The following NPAS3 variants were observed in gnomAD, a reference collection of about 807,000 sequenced individuals.
NPAS3 encodes the protein neuronal PAS domain protein 3.
A neutral mutation model predicts 73.1 loss-of-function variants in NPAS3; 14 were observed. The observed-to-expected ratio is 0.19, with a 90% CI of 0.13 to 0.30. The LOEUF (loss-of-function observed/expected upper bound fraction) is 0.30, where lower values mean the gene tolerates loss of function less well. Ranked by LOEUF, NPAS3 falls within the 10% of genes least tolerant of loss-of-function variation. NPAS3 has a pLI of 1.00. For missense variants in NPAS3, 1,096 were observed against 1,250.0 expected (o/e 0.88, Z 1.86); for synonymous variants, 620 against 541.5 (o/e 1.14, Z -2.01).
chr14:33,299,826 T>G (rs966602031), intron 3 of NPAS3, among the ~76,000 whole-genome samples: 1 of 152,224 alleles, frequency 6.6e-6, no homozygotes, highest in Admixed American at 6.5e-5. Flanking sequence ...TTTGACCTTA[T>G]TCAATGAATT....
intron 2 of NPAS3, among the ~76,000 whole-genome samples, chr14:33,162,397 A>G (rs59442871): frequency 0.094 from 14,257 of 152,190 alleles, 739 homozygotes; most frequent in African/African-American, 0.14. Context: ...TATGCGTTTC[A>G]CACTGATGAG....
At chr14:33,248,506 T>C (rs1272574191) in intron 3 of NPAS3, among the ~76,000 whole-genome samples, 1 of 143,972 alleles carries the variant, frequency 6.9e-6, no homozygotes, top group Non-Finnish European at 1.6e-5. Flanking sequence ...AGTGTAAAAA[T>C]AGTAGATTTT....
At chr14:33,374,387 T>G (rs1186208477) in intron 4 of NPAS3, among the ~76,000 whole-genome samples, 4 of 152,164 alleles carry the variant, frequency 2.6e-5, no homozygotes, top group African/African-American at 9.6e-5. Flanking sequence ...GTAAAGGGCA[T>G]ATCCTAGAAT....
At chr14:33,665,284 C>T (rs531979365) in intron 5 of NPAS3, among the ~76,000 whole-genome samples, 6 of 152,008 alleles carry the variant, frequency 3.9e-5, no homozygotes, top group Admixed American at 2.0e-4. Context: ...ATCACACACC[C>T]GGGACTGCCA....
At chr14:33,733,592 TTA>T (rs1158473239) in intron 6 of NPAS3, among the ~76,000 whole-genome samples, 1 of 152,208 alleles carries the variant, frequency 6.6e-6, no homozygotes, top group Non-Finnish European at 1.5e-5. Context: ...AAGTTTGTGC[TTA>T]TATAGTGTAT....
At chr14:33,001,229 C>T (rs1428650865) in intron 1 of NPAS3, among the ~76,000 whole-genome samples, 2 of 152,032 alleles carry the variant, frequency 1.3e-5, no homozygotes, top group South Asian at 2.1e-4. Context: ...GTGAAATGGA[C>T]AGAAAATGGA....
intron 4 of NPAS3, among the ~76,000 whole-genome samples, chr14:33,508,022 T>A (rs945928189): frequency 4.6e-5 from 7 of 151,974 alleles, no homozygotes; most frequent in African/African-American, 1.4e-4. Context: ...GACTCTTCCA[T>A]GAGAGCACTC....
chr14:33,184,645 T>C (rs1594335114), intron 2 of NPAS3, among the ~76,000 whole-genome samples: 1 of 151,946 alleles, frequency 6.6e-6, no homozygotes, highest in Non-Finnish European at 1.5e-5. Context: ...TGAGAGTAGG[T>C]AGTAGCACAG....
At chr14:33,242,272 G>C (rs1190526991) in intron 3 of NPAS3, among the ~76,000 whole-genome samples, 1 of 152,016 alleles carries the variant, frequency 6.6e-6, no homozygotes, top group Non-Finnish European at 1.5e-5. Context: ...AATTCAAGAT[G>C]AATTAGATTT....
intron 4 of NPAS3, among the ~76,000 whole-genome samples, chr14:33,493,494 G>C (rs780699952): frequency 6.6e-6 from 1 of 152,164 alleles, no homozygotes; most frequent in South Asian, 2.1e-4. Flanking sequence ...CTTTCTCACC[G>C]ATCTTCCTGT....
At chr14:33,137,384 A>C (rs2043879595) in intron 2 of NPAS3, among the ~76,000 whole-genome samples, 1 of 152,166 alleles carries the variant, frequency 6.6e-6, no homozygotes, top group South Asian at 2.1e-4. Context: ...ATGGCATCTT[A>C]TTACTAAATA....
At chr14:33,448,551 G>A (rs925180022) in intron 4 of NPAS3, among the ~76,000 whole-genome samples, 2 of 152,106 alleles carry the variant, frequency 1.3e-5, no homozygotes, top group South Asian at 2.1e-4. Context: ...GATACATAGC[G>A]CTGTGGTTGT....
intron 3 of NPAS3, among the ~76,000 whole-genome samples, chr14:33,338,575 A>G (rs1034266424): frequency 2.0e-5 from 3 of 152,160 alleles, no homozygotes; most frequent in East Asian, 1.9e-4. Flanking sequence ...GTTGCTAGCT[A>G]GCTGTTTGAC....
intron 2 of NPAS3, among the ~76,000 whole-genome samples, chr14:33,141,306 G>C (rs2044034794): frequency 6.6e-6 from 1 of 152,188 alleles, no homozygotes; most frequent in African/African-American, 2.4e-5. Flanking sequence ...AGGGGGAAAT[G>C]ATGATGGGTG....
intron 5 of NPAS3, among the ~76,000 whole-genome samples, chr14:33,624,347 G>A (rs2058163380): frequency 6.6e-6 from 1 of 152,312 alleles, no homozygotes; most frequent in East Asian, 1.9e-4. Flanking sequence ...CCGAAGTTGT[G>A]TTGCATTTGG....
At chr14:33,542,433 C>T (rs896072932) in intron 4 of NPAS3, among the ~76,000 whole-genome samples, 11 of 152,196 alleles carry the variant, frequency 7.2e-5, no homozygotes, top group African/African-American at 2.2e-4. Context: ...CCTTGGCAGA[C>T]AAGCCTCCTG....
chr14:33,064,689 A>G (rs1467800995), intron 2 of NPAS3, among the ~76,000 whole-genome samples: 1 of 152,172 alleles, frequency 6.6e-6, no homozygotes, highest in African/African-American at 2.4e-5. Flanking sequence ...TTCATTCTGG[A>G]ACACTTAGAA....
intron 4 of NPAS3, among the ~76,000 whole-genome samples, chr14:33,400,633 C>T (rs547601418): frequency 6.6e-6 from 1 of 152,046 alleles, no homozygotes; most frequent in Non-Finnish European, 1.5e-5. Context: ...AACAACATAA[C>T]CAGGGACATT....
intron 2 of NPAS3, among the ~76,000 whole-genome samples, chr14:33,081,403 CT>C (rs1164986877): frequency 4.0e-5 from 6 of 151,842 alleles, no homozygotes; most frequent in African/African-American, 1.4e-4. Flanking sequence ...TTCTCAAGTA[CT>C]AAAGTGTGTG....
Sources: gnomAD v4.1 joint callset for allele counts (sites outside exome capture counted in the v4.1 genomes callset) on GRCh38, gnomAD v4.1.1 for gene constraint, MANE v1.5 for transcripts, NCBI Gene and HGNC (gene_info 2026-07-23, HGNC 2026-07-21) for gene names.